Variants in RAD51B observed in about 807,000 individuals in gnomAD.
The protein encoded by RAD51B is DNA repair protein RAD51 homolog 2.
RAD51B carries 38 observed loss-of-function variants against 42.2 expected under a neutral mutation model. That is an observed-to-expected ratio of 0.90 (90% CI 0.70 to 1.18). RAD51B has a LOEUF of 1.18. RAD51B is among the 50% of genes most tolerant of loss of function. RAD51B has a pLI of 0.00. For missense variants in RAD51B, 373 were observed against 400.7 expected, an observed-to-expected ratio of 0.93 and a Z score of 0.59; for synonymous variants, 154 against 145.2, an observed-to-expected ratio of 1.06 and a Z score of -0.43.
At chr14:68,393,613 T>C (rs190363661) in intron 8 of RAD51B, among the ~76,000 whole-genome samples, 135 of 152,356 alleles carry the variant, frequency 8.9e-4, no homozygotes, top group Non-Finnish European at 1.5e-3. Flanking sequence ...GCAAGGTCTT[T>C]ATCATGGTTG....
At chr14:68,073,692 A>T (rs1411297634) in intron 7 of RAD51B, among the ~76,000 whole-genome samples, 1 of 152,162 alleles carries the variant, frequency 6.6e-6, no homozygotes, top group Non-Finnish European at 1.5e-5. Context: ...TCCCTTAAAG[A>T]TGCAAGGACT....
intron 8 of RAD51B, among the ~76,000 whole-genome samples, chr14:68,396,967 T>C (rs946593991): frequency 5.9e-5 from 9 of 152,238 alleles, no homozygotes; most frequent in African/African-American, 1.9e-4. Context: ...AAATCCTGAC[T>C]CTGCCACTTG....
intron 7 of RAD51B, among the ~76,000 whole-genome samples, chr14:68,174,432 A>G (rs1266751046): frequency 6.6e-6 from 1 of 152,194 alleles, no homozygotes; most frequent in Non-Finnish European, 1.5e-5. Context: ...AGAGAACAAC[A>G]TCATTTTGAC....
chr14:68,016,658 C>T (rs1366130274), intron 7 of RAD51B, among the ~76,000 whole-genome samples: 2 of 152,188 alleles, frequency 1.3e-5, no homozygotes, highest in African/African-American at 4.8e-5. Flanking sequence ...AACTCACATA[C>T]ACTTTTACCC....
In RAD51B at chr14:67,891,641, C is replaced by A. The variant is rs890761640; in HGVS notation, c.756+4437C>A. Among the ~76,000 whole-genome samples, 5 of 148,074 alleles carry A rather than the reference C, an allele frequency of 3.4e-5. No homozygotes were observed. In the Admixed American group the frequency reaches 3.4e-4, roughly 10 times the overall value. On this transcript the variant is annotated intron_variant, in intron 7 of 10. Coordinates refer to ENST00000471583, the MANE Select transcript of RAD51B (RefSeq NM_133510.4). ...TTTTAATGGTGAACTTCATGTGGGC[C>A]TGGATTTATTTATTTATTTATTTAT...
intron 7 of RAD51B, among the ~76,000 whole-genome samples, chr14:67,905,341 G>T (rs1195955539): frequency 6.6e-6 from 1 of 152,062 alleles, no homozygotes; most frequent in Non-Finnish European, 1.5e-5. Flanking sequence ...ATACTTTGAA[G>T]TTGGGTAGTG....
chr14:67,957,959 C>T (rs937003349), intron 7 of RAD51B, among the ~76,000 whole-genome samples: 3 of 152,170 alleles, frequency 2.0e-5, no homozygotes, highest in Non-Finnish European at 2.9e-5. Context: ...AAGAATTGTA[C>T]GTTCATTCAG....
chr14:67,891,302 C>G (rs766433927), intron 7 of RAD51B, among the ~76,000 whole-genome samples: 6 of 151,910 alleles, frequency 3.9e-5, no homozygotes, highest in African/African-American at 1.2e-4. Flanking sequence ...TGTTAAAATC[C>G]AAATTATTTT....
At chr14:68,014,462 C>T (rs1285800323) in intron 7 of RAD51B, among the ~76,000 whole-genome samples, 4 of 152,104 alleles carry the variant, frequency 2.6e-5, no homozygotes. Context: ...CTACTCATCA[C>T]TGTATAGCAA....
chr14:68,268,971 C>G (rs538877046), intron 7 of RAD51B, among the ~76,000 whole-genome samples: 99 of 152,318 alleles, frequency 6.5e-4, no homozygotes, highest in Non-Finnish European at 1.1e-3. Context: ...GACACCTTCT[C>G]CCCTCAGGCG....
At chr14:68,218,235 G>T (rs2079853919) in intron 7 of RAD51B, among the ~76,000 whole-genome samples, 2 of 152,208 alleles carry the variant, frequency 1.3e-5, no homozygotes, top group Non-Finnish European at 2.9e-5. Context: ...GACCTGTTCT[G>T]TTCTGACTTG....
chr14:68,217,791 A>G (rs905535744), intron 7 of RAD51B, among the ~76,000 whole-genome samples: 7 of 152,224 alleles, frequency 4.6e-5, no homozygotes, highest in Admixed American at 4.6e-4. Flanking sequence ...ATATTTTTCT[A>G]AAACAGAGGA....
intron 7 of RAD51B, among the ~76,000 whole-genome samples, chr14:68,051,563 A>G (rs2076394027): frequency 6.6e-6 from 1 of 151,782 alleles, no homozygotes; most frequent in Non-Finnish European, 1.5e-5. Flanking sequence ...AGTGCTCATT[A>G]TTGCACTTTG....
intron 10 of RAD51B, among the ~76,000 whole-genome samples, chr14:68,525,686 G>A (rs1258814831): frequency 6.6e-6 from 1 of 152,146 alleles, no homozygotes; most frequent in Non-Finnish European, 1.5e-5. Context: ...ACATCCTATA[G>A]CATTACAACA....
chr14:68,223,395 TACTC>T (rs939780417), intron 7 of RAD51B, among the ~76,000 whole-genome samples: 12 of 152,218 alleles, frequency 7.9e-5, no homozygotes, highest in Admixed American at 3.3e-4. Context: ...CATAAACACA[TACTC>T]ACAAACACGT....
chr14:68,560,882 G>T (rs1566937867), intron 10 of RAD51B, among the ~76,000 whole-genome samples: 1 of 152,080 alleles, frequency 6.6e-6, no homozygotes, highest in Admixed American at 6.6e-5. Context: ...GGAAGCCCTA[G>T]GGCCTGATTC....
At chr14:68,152,384 C>T (rs1356860584) in intron 7 of RAD51B, among the ~76,000 whole-genome samples, 2 of 152,094 alleles carry the variant, frequency 1.3e-5, no homozygotes, top group Non-Finnish European at 2.9e-5. Flanking sequence ...AGAATGTAGG[C>T]TGTGGCAGGG....
At chr14:68,046,043 C>A (rs898487464) in intron 7 of RAD51B, among the ~76,000 whole-genome samples, 1 of 152,124 alleles carries the variant, frequency 6.6e-6, no homozygotes, top group Admixed American at 6.5e-5. Flanking sequence ...GCAGAAGACC[C>A]TATCTCATTC....
In RAD51B at chr14:68,268,259, C is replaced by G. The variant is rs112421806; in HGVS notation, c.757-23625C>G. Among the ~76,000 whole-genome samples, 983 of 152,346 alleles carry G rather than the reference C, an allele frequency of 6.5e-3. 7 individuals are homozygous for G. The highest frequency in any genetic ancestry group is 0.022 in the African/African-American group (934 of 41,568). Reference sequence around the variant, plus strand: ...ATGCATGTATGTGTGCACATACACACATACATACACATCATGCAGCCATTT... The same window carrying G: ...ATGCATGTATGTGTGCACATACACAGATACATACACATCATGCAGCCATTT... On this transcript the variant is annotated intron_variant, in intron 7 of 10. Transcript: ENST00000471583.
Sources: gnomAD v4.1 joint callset for allele counts (sites outside exome capture counted in the v4.1 genomes callset) on GRCh38, gnomAD v4.1.1 for gene constraint, MANE v1.5 for transcripts, NCBI Gene and HGNC (gene_info 2026-07-23, HGNC 2026-07-21) for gene names.